RAP1GAP2: variants seen among roughly 807,000 people sequenced by gnomAD.
The protein encoded by RAP1GAP2 is rap1 GTPase-activating protein 2.
In RAP1GAP2, 27 loss-of-function variants were observed where a neutral mutation model predicts 95.0. That is an observed-to-expected ratio of 0.28 (90% CI 0.21 to 0.39). The LOEUF (loss-of-function observed/expected upper bound fraction) is 0.39. RAP1GAP2 is among the 10% of genes least tolerant of loss of function. The pLI, the probability that RAP1GAP2 is intolerant of heterozygous loss-of-function variation, is 1.00. For synonymous variants in RAP1GAP2, 373 were observed against 380.9 expected (o/e 0.98, Z 0.24); for missense variants, 771 against 970.0 (o/e 0.79, Z 2.72).
At chr17:2,786,538 C>T (rs1279769236) in intron 1 of RAP1GAP2, among the ~76,000 whole-genome samples, 9 of 152,224 alleles carry the variant, frequency 5.9e-5, no homozygotes, top group Non-Finnish European at 8.8e-5. Flanking sequence ...AGTGACCCAG[C>T]TGGGTGGGTG....
rs200562005 is a variant in RAP1GAP2, at chr17:3,031,008, C to T, written c.2184+10C>T. On this transcript the variant is annotated intron_variant, in intron 23 of 24. Transcript: ENST00000254695. ...TGCCAGCTCTGGTGCGGTAAGGATG[C>T]GCCTCCCACACCCCACACTCCACTT... 62 of 1,590,638 alleles carry T rather than the reference C, an allele frequency of 3.9e-5. 1 individual carries two copies. The highest frequency in any genetic ancestry group is 1.7e-4 in the Middle Eastern group (1 of 6,050).
intron 3 of RAP1GAP2, among the ~76,000 whole-genome samples, chr17:2,922,450 C>T (rs150135607): frequency 3.3e-5 from 5 of 152,266 alleles, no homozygotes; most frequent in Non-Finnish European, 7.4e-5. Context: ...GCCACCATTA[C>T]GGGGTCAGGG....
At chr17:2,835,068 C>T (rs987224168) in intron 2 of RAP1GAP2, among the ~76,000 whole-genome samples, 2 of 144,348 alleles carry the variant, frequency 1.4e-5, no homozygotes, top group African/African-American at 5.1e-5. Context: ...TACAGGCGCC[C>T]GCCACCACAC....
intron 2 of RAP1GAP2, among the ~76,000 whole-genome samples, chr17:2,892,334 G>A (rs2073752570): frequency 6.6e-6 from 1 of 152,090 alleles, no homozygotes; most frequent in East Asian, 1.9e-4. Context: ...TAATCTTTCT[G>A]TTATGGTGAG....
chr17:2,941,016 C>T (rs1001808097), intron 3 of RAP1GAP2, among the ~76,000 whole-genome samples: 10 of 152,182 alleles, frequency 6.6e-5, no homozygotes, highest in East Asian at 1.9e-4. Context: ...CAGCCAGAAA[C>T]GGCCCAACCT....
chr17:2,839,557 A>G (rs891157213), intron 2 of RAP1GAP2, among the ~76,000 whole-genome samples: 2 of 152,136 alleles, frequency 1.3e-5, no homozygotes, highest in African/African-American at 2.4e-5. Flanking sequence ...CAGATTTTAG[A>G]GTTTTTCCCT....
chr17:2,911,689 T>A (rs947146167), intron 3 of RAP1GAP2, among the ~76,000 whole-genome samples: 1 of 7,168 alleles, frequency 1.4e-4, no homozygotes, highest in Admixed American at 1.6e-3. Flanking sequence ...TGTGGGGAGG[T>A]GGGGTGGGAT....
chr17:2,927,408 C>T (rs1298652707), intron 3 of RAP1GAP2, among the ~76,000 whole-genome samples: 2 of 152,202 alleles, frequency 1.3e-5, no homozygotes, highest in South Asian at 2.1e-4. Flanking sequence ...CCGCCTTGGC[C>T]TCCCAAAGTG....
chr17:2,835,277 T>G (rs1191490366), intron 2 of RAP1GAP2, among the ~76,000 whole-genome samples: 1 of 152,068 alleles, frequency 6.6e-6, no homozygotes, highest in East Asian at 1.9e-4. Context: ...TGGAGTGCAT[T>G]GGCACGATCT....
intron 1 of RAP1GAP2, among the ~76,000 whole-genome samples, chr17:2,777,951 TGGGAGGCTGGGAGGCG>T (rs769727512): frequency 0.17 from 15,316 of 91,966 alleles, 1,852 homozygotes; most frequent in East Asian, 0.55. Flanking sequence ...GCCAGGAGGC[TGGGAGGCTGGGAGGCG>T]GGGAGGCTGG....
upstream of RAP1GAP2, among the ~76,000 whole-genome samples, chr17:2,775,821 G>A (rs1455086247): frequency 1.3e-5 from 2 of 152,140 alleles, no homozygotes; most frequent in East Asian, 1.9e-4. Flanking sequence ...TTCCTTCTAC[G>A]CCTTCACGTT....
chr17:2,799,350 C>T (rs556852099), intron 1 of RAP1GAP2, among the ~76,000 whole-genome samples: 54 of 152,286 alleles, frequency 3.5e-4, no homozygotes, highest in Non-Finnish European at 4.9e-4. Flanking sequence ...CTCGGGGTGC[C>T]GCTTGCTTTG....
chr17:2,920,870 C>T (rs779105673), intron 3 of RAP1GAP2, among the ~76,000 whole-genome samples: 13 of 152,182 alleles, frequency 8.5e-5, no homozygotes, highest in Non-Finnish European at 1.5e-4. Context: ...GTTCTGCCAC[C>T]CACCCCCATC....
At chr17:2,793,854 A>G (rs2151467761), upstream of RAP1GAP2, among the ~76,000 whole-genome samples, 1 of 152,182 alleles carries the variant, frequency 6.6e-6, no homozygotes, top group East Asian at 1.9e-4. Context: ...GAATCCCAGC[A>G]CTTTGGGAGG....
intron 3 of RAP1GAP2, among the ~76,000 whole-genome samples, chr17:2,911,164 C>T (rs948416506): frequency 5.9e-5 from 9 of 152,182 alleles, no homozygotes; most frequent in South Asian, 2.1e-4. Flanking sequence ...GAGTCTCTGC[C>T]GCGCTCCCCC....
At chr17:2,951,130 C>T (rs1181266176) in intron 3 of RAP1GAP2, among the ~76,000 whole-genome samples, 1 of 152,236 alleles carries the variant, frequency 6.6e-6, no homozygotes, top group East Asian at 1.9e-4. Context: ...ATCTCTCAGG[C>T]CCAGGCCCCA....
intron 4 of RAP1GAP2, among the ~76,000 whole-genome samples, chr17:2,960,245 G>C (rs1392303455): frequency 6.6e-6 from 1 of 152,170 alleles, no homozygotes; most frequent in East Asian, 1.9e-4. Context: ...GGAGTGGCGT[G>C]GGGAGGGGAT....
chr17:3,030,215 G>A (rs1024810185), intron 22 of RAP1GAP2, among the ~76,000 whole-genome samples: 1 of 127,000 alleles, frequency 7.9e-6, no homozygotes, highest in Non-Finnish European at 1.8e-5. Flanking sequence ...CATGGCGCCC[G>A]GCCATGAGTA....
intron 3 of RAP1GAP2, among the ~76,000 whole-genome samples, chr17:2,940,073 C>G (rs1031199634): frequency 3.9e-5 from 6 of 152,194 alleles, no homozygotes; most frequent in African/African-American, 1.2e-4. Context: ...CTTAAAGTAC[C>G]TTTTCGTGAG....
Sources: gnomAD v4.1 joint callset for allele counts (sites outside exome capture counted in the v4.1 genomes callset) on GRCh38, gnomAD v4.1.1 for gene constraint, MANE v1.5 for transcripts, NCBI Gene and HGNC (gene_info 2026-07-23, HGNC 2026-07-21) for gene names.